Variants in SMCHD1 observed in about 807,000 individuals in gnomAD.
SMCHD1 encodes the protein structural maintenance of chromosomes flexible hinge domain-containing protein 1.
In SMCHD1, 78 loss-of-function variants were observed where a neutral mutation model predicts 254.7. The ratio of observed to expected loss-of-function variants is 0.31; its 90% confidence interval spans 0.26 to 0.37. SMCHD1 has a LOEUF of 0.37. Among genes scored for constraint, SMCHD1 ranks in the 10% least tolerant of loss-of-function variants. SMCHD1 has a pLI of 1.00. For synonymous variants in SMCHD1, 766 were observed against 794.9 expected (o/e 0.96, Z 0.61); for missense variants, 1,840 against 2,408.1 (o/e 0.76, Z 4.94).
At chr18:2,778,379 C>A in intron 44 of SMCHD1, 140 bp downstream of exon 44, 2 of 577,424 alleles carry the variant, frequency 3.5e-6, no homozygotes, top group Non-Finnish European at 5.9e-6. Context: ...TAAAAGTAGG[C>A]AAAACGTAGG....
intron 17 of SMCHD1, among the ~76,000 whole-genome samples, chr18:2,710,773 C>CT (rs139367523): frequency 0.031 from 4,744 of 152,176 alleles, 246 homozygotes; most frequent in African/African-American, 0.11. Flanking sequence ...GCTTTTAAGT[C>CT]TTTAACAGTT....
chr18:2,674,308 A>T (rs185797001), intron 5 of SMCHD1, among the ~76,000 whole-genome samples, 163 bp downstream of exon 5: 13 of 152,294 alleles, frequency 8.5e-5, no homozygotes, highest in African/African-American at 2.9e-4. Flanking sequence ...GATACTCAGA[A>T]ATAGAACTAT....
chr18:2,736,583 A>G (rs1305712543), intron 25 of SMCHD1, among the ~76,000 whole-genome samples: 1 of 148,760 alleles, frequency 6.7e-6, no homozygotes, highest in Non-Finnish European at 1.5e-5. Flanking sequence ...AAAATGGGCA[A>G]AGGATATGAA....
intron 17 of SMCHD1, among the ~76,000 whole-genome samples, chr18:2,715,237 G>A (rs2074770696): frequency 6.6e-6 from 1 of 151,926 alleles, no homozygotes; most frequent in Non-Finnish European, 1.5e-5. Flanking sequence ...GAATACCTGG[G>A]ATTTGTTGGT....
chr18:2,798,417 T>C (rs997876914), intron 47 of SMCHD1, among the ~76,000 whole-genome samples: 8 of 152,174 alleles, frequency 5.3e-5, no homozygotes, highest in African/African-American at 1.9e-4. Context: ...CATGTAACTT[T>C]TAGAAATTAT....
At chr18:2,753,377 T>C (rs989613818) in intron 34 of SMCHD1, among the ~76,000 whole-genome samples, 1 of 152,262 alleles carries the variant, frequency 6.6e-6, no homozygotes, top group African/African-American at 2.4e-5. Flanking sequence ...TGTTAATGGC[T>C]ATTTGCATTT....
At chr18:2,683,059 T>C (rs2073967028) in intron 5 of SMCHD1, among the ~76,000 whole-genome samples, 1 of 152,218 alleles carries the variant, frequency 6.6e-6, no homozygotes, top group South Asian at 2.1e-4. Flanking sequence ...GAGAGAATTC[T>C]TTAGTTTTGC....
At chr18:2,738,655 T>A in intron 26 of SMCHD1, 110 bp downstream of exon 26, 3 of 940,168 alleles carry the variant, frequency 3.2e-6, no homozygotes, top group Non-Finnish European at 4.4e-6. Context: ...CTATGAAATA[T>A]AATAGATTGT....
chr18:2,779,829 A>G (rs987275161), intron 44 of SMCHD1, among the ~76,000 whole-genome samples: 2 of 151,938 alleles, frequency 1.3e-5, no homozygotes, highest in East Asian at 1.9e-4. Flanking sequence ...GATTCTGTCT[A>G]AAAAAATAAA....
Position 2,803,284 on chromosome 18 carries a change from A to T in SMCHD1, c.*732A>T, listed in dbSNP as rs2076396042. On this transcript the variant is annotated 3_prime_UTR_variant, in exon 48 of 48. Transcript: ENST00000320876. ...AACTATTGTTTGTTTGACTTTATTA[A>T]TACTAGAATATGTAGTCTCAGCCTT... 6.7e-6 allele frequency: 1 copy of T among 149,844 alleles called. No homozygotes were observed. The highest frequency in any genetic ancestry group is 1.5e-5 in the Non-Finnish European group (1 of 67,538). The allele number at this position is 149,844 out of a possible 1,614,324, so 9.3% of individuals were successfully genotyped here.
At chr18:2,721,272 A>G (rs1346506936) in intron 19 of SMCHD1, among the ~76,000 whole-genome samples, 1 of 151,880 alleles carries the variant, frequency 6.6e-6, no homozygotes, top group East Asian at 1.9e-4. Flanking sequence ...TATTACTCTC[A>G]TCTTTTTTCT....
In SMCHD1 at chr18:2,802,694, C is replaced by T. The variant is rs981548748; in HGVS notation, c.*142C>T. 9 of 631,120 alleles carry T rather than the reference C, an allele frequency of 1.4e-5. No homozygotes were observed. In the South Asian group the frequency reaches 1.8e-4, roughly 13 times the overall value. The allele number at this position is 631,120 out of a possible 1,614,324, so 39.1% of individuals were successfully genotyped here. A position where few individuals can be genotyped will look rare whatever the true frequency, so the allele number is the denominator to read the frequency against. Reference sequence around the variant, plus strand: ...AGTACCTGGGCATGAATTTCCATTTCGATTCAGATGGGACTGGAAACAACC... The same window carrying T: ...AGTACCTGGGCATGAATTTCCATTTTGATTCAGATGGGACTGGAAACAACC... On this transcript the variant is annotated 3_prime_UTR_variant, in exon 48 of 48. Transcript: ENST00000320876.
At chr18:2,801,129 A>C (rs894130499) in intron 47 of SMCHD1, 2 of 152,254 alleles carry the variant, frequency 1.3e-5, no homozygotes, top group Admixed American at 1.3e-4. Flanking sequence ...AAAATGGAGA[A>C]GGAAATGCTA....
At chr18:2,729,631 T>TAAA (rs1395006981) in intron 24 of SMCHD1, among the ~76,000 whole-genome samples, 15 of 152,324 alleles carry the variant, frequency 9.8e-5, no homozygotes, top group Non-Finnish European at 1.9e-4. Context: ...GTGTCTTTTA[T>TAAA]AGTGTCTATA....
chr18:2,681,309 A>T (rs540855396), intron 5 of SMCHD1, among the ~76,000 whole-genome samples: 1 of 150,322 alleles, frequency 6.7e-6, no homozygotes, highest in African/African-American at 2.4e-5. Context: ...GCTGCTCAGG[A>T]GGCTGAGACA....
At chr18:2,763,826 GTATT>G in intron 37 of SMCHD1, 37 bp downstream of exon 37, 1 of 1,584,376 alleles carries the variant, frequency 6.3e-7, no homozygotes, top group South Asian at 1.1e-5. Flanking sequence ...TAGAATTTCT[GTATT>G]TAATGCTTTT....
chr18:2,743,750 T>G lies in SMCHD1; in HGVS notation c.3634-11T>G. On this transcript the variant is annotated splice_polypyrimidine_tract_variant and intron_variant, in intron 28 of 47. Transcript: ENST00000320876. ...ACCCCCTGTCTTTCTCAATGTACTT[T>G]TCCTCACTAGGAAAACACACAGAGT... 6.3e-7 allele frequency: 1 copy of G among 1,579,714 alleles called. No homozygotes were observed. The highest frequency in any genetic ancestry group is 1.4e-5 in the African/African-American group (1 of 73,854).
chr18:2,710,935 A>G (rs201614282), intron 17 of SMCHD1, among the ~76,000 whole-genome samples: 2 of 117,160 alleles, frequency 1.7e-5, no homozygotes, highest in Non-Finnish European at 1.9e-5. Context: ...ATGTAGGTTT[A>G]TTCTCTCAAA....
rs541262753 is a variant in SMCHD1 at position 2,772,314 on chromosome 18, C to T, written c.5117C>T (p.Pro1706Leu). ...LSEQEELKKK[P>L]RRSCTLPNYT... Reference sequence around the variant, plus strand: ...GAACAAGAAGAACTGAAGAAAAAACCTAGAAGATCGTGTACTCTTCCAAAC... The same window carrying T: ...GAACAAGAAGAACTGAAGAAAAAACTTAGAAGATCGTGTACTCTTCCAAAC... The change falls in exon 41 of 48, where the codon CCT (proline) becomes CTT (leucine). Residue 1706 changes from proline (P) to leucine (L), a missense_variant. Physicochemically the swap from Pro to Leu is moderately conservative, Grantham distance 98 (BLOSUM62 -3). Transcript: ENST00000320876. 6.2e-7 allele frequency: 1 copy of T among 1,607,624 alleles called. No individual in the cohort carries two copies. Among genetic ancestry groups the T allele is most frequent in the East Asian group, 2.3e-5 (1 of 44,386 alleles).
Sources: allele counts gnomAD v4.1 joint callset (sites outside exome capture counted in the v4.1 genomes callset), GRCh38; gene constraint gnomAD v4.1.1; transcripts MANE v1.5; gene names NCBI Gene and HGNC (gene_info 2026-07-23, HGNC 2026-07-21).